Variants in AGPS observed in about 807,000 individuals in gnomAD.
The protein encoded by AGPS is alkylglycerone phosphate synthase.
A neutral mutation model predicts 90.7 loss-of-function variants in AGPS; 26 were observed. That is an observed-to-expected ratio of 0.29 (90% confidence interval 0.21 to 0.40). The LOEUF (loss-of-function observed/expected upper bound fraction) is 0.40, where lower values mean the gene tolerates loss of function less well. Among genes scored for constraint, AGPS ranks in the 10% least tolerant of loss-of-function variants. AGPS has a pLI of 1.00. For missense variants in AGPS, 540 were observed against 816.1 expected (o/e 0.66, Z 4.12); for synonymous variants, 294 against 285.3 (o/e 1.03, Z -0.31).
intron 9 of AGPS, among the ~76,000 whole-genome samples, chr2:177,462,927 G>A (rs1349812900): frequency 6.6e-6 from 1 of 152,090 alleles, no homozygotes; most frequent in African/African-American, 2.4e-5. Flanking sequence ...TATTTTACAA[G>A]CCTCGTGGAA....
chr2:177,439,851 CCTT>C (rs1686544439), intron 5 of AGPS, among the ~76,000 whole-genome samples: 1 of 152,124 alleles, frequency 6.6e-6, no homozygotes, highest in Admixed American at 6.5e-5. Flanking sequence ...TTGTTCCCCT[CCTT>C]AAGAACCTCC....
chr2:177,479,075 C>G (rs111232117), intron 10 of AGPS, among the ~76,000 whole-genome samples: 1 of 152,092 alleles, frequency 6.6e-6, no homozygotes, highest in African/African-American at 2.4e-5. Context: ...TGAACCACGG[C>G]TCAGGAGTTA....
chr2:177,403,162 T>C (rs574148479), intron 1 of AGPS, among the ~76,000 whole-genome samples: 1 of 152,338 alleles, frequency 6.6e-6, no homozygotes, highest in South Asian at 2.1e-4. Flanking sequence ...CACATGGTTT[T>C]TGCCTACTGG....
intron 1 of AGPS, among the ~76,000 whole-genome samples, chr2:177,412,228 A>G (rs1450481264): frequency 6.6e-6 from 1 of 152,156 alleles, no homozygotes; most frequent in Admixed American, 6.5e-5. Context: ...TTGGGGCTAC[A>G]CTTTCAAGAA....
At chr2:177,480,550 G>T (rs1390088228) in intron 10 of AGPS, among the ~76,000 whole-genome samples, 1 of 152,106 alleles carries the variant, frequency 6.6e-6, no homozygotes, top group Non-Finnish European at 1.5e-5. Context: ...GACACAGGAA[G>T]GGGAACATCA....
intron 1 of AGPS, among the ~76,000 whole-genome samples, chr2:177,418,211 C>A (rs753180753): frequency 3.9e-5 from 6 of 151,974 alleles, no homozygotes; most frequent in Non-Finnish European, 8.8e-5. Flanking sequence ...TAGAATATTA[C>A]CCAACTTGAA....
chr2:177,411,844 A>G (rs7586051), intron 1 of AGPS, among the ~76,000 whole-genome samples: 104,671 of 152,040 alleles, frequency 0.69, 36,667 homozygotes, highest in Admixed American at 0.77. Context: ...ATCAGTTCTA[A>G]GGCCCTGGCC....
chr2:177,425,531 G>A (rs1489784319), intron 2 of AGPS, among the ~76,000 whole-genome samples: 2 of 148,570 alleles, frequency 1.3e-5, no homozygotes, highest in Non-Finnish European at 3.0e-5. Context: ...TGAGGCAGGA[G>A]ACTCGCTTGA....
At chr2:177,419,590 A>C (rs1433234013) in intron 1 of AGPS, among the ~76,000 whole-genome samples, 2 of 151,954 alleles carry the variant, frequency 1.3e-5, no homozygotes, top group East Asian at 3.8e-4. Flanking sequence ...TTTTACAACT[A>C]TGAAATATTG....
chr2:177,449,049 C>T (rs1225524345), intron 8 of AGPS, among the ~76,000 whole-genome samples: 1 of 152,136 alleles, frequency 6.6e-6, no homozygotes, highest in African/African-American at 2.4e-5. Flanking sequence ...CAGCAGTATT[C>T]CATTGTATAG....
At chr2:177,499,475 T>C in intron 13 of AGPS, 143 bp from the exon 14 acceptor site, 1 of 592,770 alleles carries the variant, frequency 1.7e-6, no homozygotes, top group South Asian at 2.2e-5. Context: ...TCTTAGTGAT[T>C]GACATGTAAA....
intron 2 of AGPS, among the ~76,000 whole-genome samples, chr2:177,433,812 C>T (rs1686311163): frequency 6.6e-6 from 1 of 152,022 alleles, no homozygotes; most frequent in African/African-American, 2.4e-5. Context: ...TAGAAGATTC[C>T]AGTATGTATT....
chr2:177,420,003 T>C (rs1448839266), intron 1 of AGPS, among the ~76,000 whole-genome samples: 1 of 151,842 alleles, frequency 6.6e-6, no homozygotes, highest in Non-Finnish European at 1.5e-5. Context: ...TCTTCTTCCT[T>C]TTTGCAACTT....
intron 16 of AGPS, among the ~76,000 whole-genome samples, chr2:177,513,186 C>G (rs930323749): frequency 2.0e-5 from 3 of 152,132 alleles, no homozygotes; most frequent in African/African-American, 7.2e-5. Context: ...TCCTGCCCTC[C>G]TGGGCTCCAG....
chr2:177,392,840 G>T lies in AGPS; in HGVS notation c.51G>T (p.Ala17=), dbSNP rs1055974652. The part of the protein sequence containing the change: ...AAGGTGLGAG[A]SYGSAADRDR... The stretch of plus-strand genomic sequence containing the variant: ...GTGGGACTGGCTTGGGCGCGGGCGC[G>T]AGCTACGGGTCTGCAGCGGACCGGG... Residue 17 remains alanine, a synonymous_variant, in exon 1 of 20, where the codon GCG becomes GCT. Coordinates refer to ENST00000264167, the MANE Select transcript of AGPS (RefSeq NM_003659.4). The T allele has an allele frequency of 1.2e-5, 19 of 1,548,114 alleles. No individual in the cohort carries two copies. Among genetic ancestry groups the T allele is most frequent in the Non-Finnish European group, 1.6e-5 (19 of 1,152,910 alleles).
chr2:177,447,076 T>C (rs1686798023), intron 8 of AGPS, among the ~76,000 whole-genome samples: 2 of 152,184 alleles, frequency 1.3e-5, no homozygotes, highest in Admixed American at 6.5e-5. Context: ...TCCAATTTGT[T>C]AGTGATGTAC....
At chr2:177,529,416 G>T (rs2079117540) in intron 19 of AGPS, among the ~76,000 whole-genome samples, 1 of 152,160 alleles carries the variant, frequency 6.6e-6, no homozygotes, top group Admixed American at 6.5e-5. Context: ...GTTGCAGTGA[G>T]CTGGCATCGC....
intron 12 of AGPS, among the ~76,000 whole-genome samples, chr2:177,496,498 A>G (rs1204509580): frequency 6.6e-6 from 1 of 152,166 alleles, no homozygotes; most frequent in African/African-American, 2.4e-5. Context: ...AAAGAAAAAA[A>G]TCCCCAAGCG....
chr2:177,450,154 G>C (rs1686896493), intron 8 of AGPS, among the ~76,000 whole-genome samples: 1 of 152,130 alleles, frequency 6.6e-6, no homozygotes, highest in Non-Finnish European at 1.5e-5. Context: ...CCAATTTTAA[G>C]ATTGGGTTGT....
Sources: gnomAD v4.1 joint callset for allele counts (sites outside exome capture counted in the v4.1 genomes callset) on GRCh38, gnomAD v4.1.1 for gene constraint, MANE v1.5 for transcripts, NCBI Gene and HGNC (gene_info 2026-07-23, HGNC 2026-07-21) for gene names.